Variants in SYNPR observed in about 807,000 individuals in gnomAD.
SYNPR encodes synaptoporin.
SYNPR carries 23 observed loss-of-function variants against 32.9 expected under a neutral mutation model. That is an observed-to-expected ratio of 0.70 (90% CI 0.50 to 0.99). The LOEUF is 0.99. SYNPR is among the 50% of genes least tolerant of loss of function. The pLI is 0.00. For synonymous variants in SYNPR, 146 were observed against 135.9 expected, an observed-to-expected ratio of 1.07 and a Z score of -0.52; for missense variants, 318 against 349.3, an observed-to-expected ratio of 0.91 and a Z score of 0.71.
Position 63,520,412 on chromosome 3 carries a change from C to T in SYNPR, c.210-36131C>T, listed in dbSNP as rs537963399. ...GTAATCGGCCGGGTGCGGTGGCTCA[C>T]GCCTGTAATCCCAGCACTTTGGGAG... On this transcript the variant is annotated intron_variant, in intron 3 of 5. Transcript: ENST00000478300. Among the ~76,000 whole-genome samples, 276 of 152,232 alleles carry T rather than the reference C, an allele frequency of 1.8e-3. 2 individuals are homozygous for T. The highest frequency in any genetic ancestry group is 6.4e-3 in the African/African-American group (266 of 41,546).
intron 2 of SYNPR, among the ~76,000 whole-genome samples, chr3:63,444,544 G>A (rs867616494): frequency 1.3e-5 from 2 of 152,152 alleles, no homozygotes; most frequent in Non-Finnish European, 1.5e-5. Flanking sequence ...GAAGCAAGAC[G>A]AGGTCTGACT....
intron 2 of SYNPR, among the ~76,000 whole-genome samples, chr3:63,469,213 G>C (rs892482855): frequency 6.6e-6 from 1 of 152,138 alleles, no homozygotes; most frequent in African/African-American, 2.4e-5. Flanking sequence ...GGAGGAAGTT[G>C]AGGGTTGTGA....
intron 1 of SYNPR, among the ~76,000 whole-genome samples, chr3:63,247,006 C>G (rs926639205): frequency 6.6e-6 from 1 of 151,928 alleles, no homozygotes; most frequent in African/African-American, 2.4e-5. Flanking sequence ...CAGCAAATCA[C>G]CATGGCACAT....
chr3:63,263,743 C>A (rs4688164), intron 2 of SYNPR, among the ~76,000 whole-genome samples: 130,423 of 152,228 alleles, frequency 0.86, 56,683 homozygotes, highest in African/African-American at 0.96. Flanking sequence ...TCTTCTTACC[C>A]TGGCTGTGCA....
chr3:63,604,709 TTGA>T (rs1238178603), intron 4 of SYNPR, among the ~76,000 whole-genome samples: 1 of 152,192 alleles, frequency 6.6e-6, no homozygotes, highest in Non-Finnish European at 1.5e-5. Flanking sequence ...ATGAACATTG[TTGA>T]TATGATTTTC....
At chr3:63,587,622 T>G (rs934839176) in intron 4 of SYNPR, among the ~76,000 whole-genome samples, 3 of 152,106 alleles carry the variant, frequency 2.0e-5, no homozygotes, top group African/African-American at 7.2e-5. Flanking sequence ...GCAAAGAACA[T>G]AAAGCAAAGT....
intron 4 of SYNPR, among the ~76,000 whole-genome samples, chr3:63,563,761 CA>C (rs1702735005): frequency 6.6e-6 from 1 of 152,090 alleles, no homozygotes; most frequent in South Asian, 2.1e-4. Context: ...AACTCTCCTA[CA>C]AATGGCTTGC....
chr3:63,572,509 A>T (rs1472354617), intron 4 of SYNPR, among the ~76,000 whole-genome samples: 1 of 152,138 alleles, frequency 6.6e-6, no homozygotes, highest in African/African-American at 2.4e-5. Flanking sequence ...TTTAAAGTTT[A>T]TCTCTCCAAA....
intron 2 of SYNPR, among the ~76,000 whole-genome samples, chr3:63,455,538 A>C (rs1231445455): frequency 6.6e-6 from 1 of 152,100 alleles, no homozygotes; most frequent in Non-Finnish European, 1.5e-5. Flanking sequence ...GAAACACCCT[A>C]GGATGTTCGG....
intron 2 of SYNPR, among the ~76,000 whole-genome samples, chr3:63,370,742 C>T (rs983304748): frequency 4.6e-5 from 7 of 152,120 alleles, no homozygotes; most frequent in Non-Finnish European, 8.8e-5. Flanking sequence ...GATATCCAGA[C>T]CCGCTGGAGA....
the SYNPR span, among the ~76,000 whole-genome samples, chr3:63,210,890 G>A: frequency 6.7e-6 from 1 of 149,194 alleles, no homozygotes; most frequent in Non-Finnish European, 1.5e-5. Context: ...ACTAATTGTA[G>A]TTGAATATCA....
chr3:63,365,668 C>A (rs1293259428), intron 2 of SYNPR, among the ~76,000 whole-genome samples: 1 of 152,122 alleles, frequency 6.6e-6, no homozygotes, highest in African/African-American at 2.4e-5. Flanking sequence ...ATATTCAGTT[C>A]TCTTTTCGTT....
chr3:63,610,181 T>C (rs1022826779), intron 5 of SYNPR, among the ~76,000 whole-genome samples: 12 of 152,328 alleles, frequency 7.9e-5, no homozygotes, highest in Middle Eastern at 3.4e-3. Context: ...AAAGCTGCAC[T>C]GTATTAGTTG....
intron 3 of SYNPR, among the ~76,000 whole-genome samples, chr3:63,520,966 A>C (rs1477990251): frequency 6.6e-6 from 1 of 152,146 alleles, no homozygotes; most frequent in East Asian, 1.9e-4. Flanking sequence ...ATTTGTGTCC[A>C]TTTGTGTGGA....
At chr3:63,578,823 A>G (rs112428319) in intron 4 of SYNPR, among the ~76,000 whole-genome samples, 1,862 of 152,256 alleles carry the variant, frequency 0.012, 27 homozygotes, top group African/African-American at 0.037. Flanking sequence ...AGAGTTCAGC[A>G]AGGCAGATAC....
At chr3:63,400,172 T>C (rs972768984) in intron 2 of SYNPR, among the ~76,000 whole-genome samples, 10 of 152,246 alleles carry the variant, frequency 6.6e-5, no homozygotes, top group Admixed American at 3.9e-4. Flanking sequence ...AGCTAATGGA[T>C]ACATGGGCTT....
At chr3:63,309,887 T>G (rs1325697137) in intron 2 of SYNPR, among the ~76,000 whole-genome samples, 1 of 152,026 alleles carries the variant, frequency 6.6e-6, no homozygotes, top group Non-Finnish European at 1.5e-5. Context: ...TGCATATGCA[T>G]TGTGTGTATA....
chr3:63,532,252 A>G (rs1702125852), intron 3 of SYNPR, among the ~76,000 whole-genome samples: 1 of 152,182 alleles, frequency 6.6e-6, no homozygotes, highest in African/African-American at 2.4e-5. Context: ...CTGGCTCCAT[A>G]GTGAAGGCAT....
rs367579321 is a variant in SYNPR, at chr3:63,610,066, G to A, written c.600+750G>A. 7.2e-5 allele frequency among the ~76,000 whole-genome samples: 11 copies of A among 152,286 alleles called. No homozygotes were observed. The South Asian group carries it at 2.3e-3, about 32-fold the overall frequency. ...GATTAGAGAAAAATACACAGACCTAGTAGGGTGAAAAAATAAATTCAGAAT... is the reference window on the plus strand; with the variant it reads ...GATTAGAGAAAAATACACAGACCTAATAGGGTGAAAAAATAAATTCAGAAT... On this transcript the variant is annotated intron_variant, in intron 5 of 5. Transcript: ENST00000478300.
Sources: allele counts gnomAD v4.1 joint callset (sites outside exome capture counted in the v4.1 genomes callset), GRCh38; gene constraint gnomAD v4.1.1; transcripts MANE v1.5; gene names NCBI Gene and HGNC (gene_info 2026-07-23, HGNC 2026-07-21).